ADAMTS17: variants seen among roughly 807,000 people sequenced by gnomAD.
ADAMTS17 encodes the protein A disintegrin and metalloproteinase with thrombospondin motifs 17.
Under a neutral mutation model 141.5 loss-of-function variants are expected in ADAMTS17, and 113 were observed. The ratio of observed to expected loss-of-function variants is 0.80; its 90% CI spans 0.69 to 0.93. ADAMTS17 has a LOEUF of 0.93. Among genes scored for constraint, ADAMTS17 ranks in the 40% least tolerant of loss-of-function variants. The pLI is 0.00. For synonymous variants in ADAMTS17, 768 were observed against 630.6 expected, an observed-to-expected ratio of 1.22 and a Z score of -3.27; for missense variants, 1,659 against 1,517.9, an observed-to-expected ratio of 1.09 and a Z score of -1.54.
chr15:100,110,033 G>A (rs931856089), intron 13 of ADAMTS17, among the ~76,000 whole-genome samples: 1 of 151,870 alleles, frequency 6.6e-6, no homozygotes, highest in African/African-American at 2.4e-5. Context: ...CTAAAAGAGT[G>A]TGAAAGGGAT....
intron 15 of ADAMTS17, among the ~76,000 whole-genome samples, chr15:100,095,859 G>A (rs1396762727): frequency 2.0e-5 from 3 of 152,218 alleles, no homozygotes; most frequent in South Asian, 2.1e-4. Flanking sequence ...CTGGGGACCA[G>A]GAGGCTCAGG....
chr15:99,986,971 C>A (rs1249554561), intron 20 of ADAMTS17, among the ~76,000 whole-genome samples: 1 of 152,210 alleles, frequency 6.6e-6, no homozygotes, highest in Non-Finnish European at 1.5e-5. Context: ...CCCTCATACA[C>A]GACCCTGGTT....
At chr15:100,159,770 T>C (rs2039603732) in intron 8 of ADAMTS17, among the ~76,000 whole-genome samples, 1 of 152,186 alleles carries the variant, frequency 6.6e-6, no homozygotes, top group Non-Finnish European at 1.5e-5. Context: ...CTAGTCTGAG[T>C]CACAGACTAG....
intron 7 of ADAMTS17, among the ~76,000 whole-genome samples, chr15:100,200,496 C>A (rs2041287251): frequency 6.6e-6 from 1 of 152,112 alleles, no homozygotes; most frequent in Non-Finnish European, 1.5e-5. Context: ...CCCGCAGGGA[C>A]CACAGGGCTT....
chr15:100,199,224 G>T, intron 8 of ADAMTS17, 94 bp downstream of exon 8: 1 of 1,192,806 alleles, frequency 8.4e-7, no homozygotes, highest in Non-Finnish European at 1.3e-6. Context: ...AAGGCATAGA[G>T]CAGCACTGTT....
intron 7 of ADAMTS17, among the ~76,000 whole-genome samples, chr15:100,221,278 C>CTTT (rs34908375): frequency 1.1e-4 from 16 of 148,028 alleles, no homozygotes; most frequent in African/African-American, 3.4e-4. Context: ...ATAAACTTCA[C>CTTT]TTTTTTTTTT....
chr15:100,332,700 T>A (rs1006488254), intron 2 of ADAMTS17, among the ~76,000 whole-genome samples: 1 of 152,366 alleles, frequency 6.6e-6, no homozygotes, highest in South Asian at 2.1e-4. Flanking sequence ...CATATACACA[T>A]GCAAAGCATC....
chr15:100,247,674 C>T (rs2043029650), intron 7 of ADAMTS17, among the ~76,000 whole-genome samples: 1 of 152,152 alleles, frequency 6.6e-6, no homozygotes, highest in Admixed American at 6.5e-5. Flanking sequence ...ACAGGGTTCA[C>T]AGCTTCTCTT....
At chr15:100,184,198 T>A (rs1401621681) in intron 8 of ADAMTS17, among the ~76,000 whole-genome samples, 1 of 152,176 alleles carries the variant, frequency 6.6e-6, no homozygotes, top group African/African-American at 2.4e-5. Flanking sequence ...ATGTGGTCTC[T>A]GTTGGGCTTT....
chr15:100,315,997 G>A (rs1010602020), intron 3 of ADAMTS17, among the ~76,000 whole-genome samples: 17 of 152,234 alleles, frequency 1.1e-4, no homozygotes, highest in African/African-American at 3.1e-4. Flanking sequence ...CTGCTTTGTG[G>A]AATGACTCTA....
At chr15:100,140,645 A>G (rs888964741) in intron 10 of ADAMTS17, among the ~76,000 whole-genome samples, 10 of 151,934 alleles carry the variant, frequency 6.6e-5, no homozygotes, top group African/African-American at 2.4e-4. Flanking sequence ...ACCCACATCA[A>G]CCTTGTGAGA....
At chr15:100,058,341 C>CTAACCCTCCTATCCCGGCTCT in intron 15 of ADAMTS17, among the ~76,000 whole-genome samples, 1 of 42,134 alleles carries the variant, frequency 2.4e-5, no homozygotes, top group Admixed American at 2.1e-4. Context: ...TATCCCGGCT[C>CTAACCCTCCTATCCCGGCTCT]TAACACCCCT....
intron 16 of ADAMTS17, among the ~76,000 whole-genome samples, chr15:100,052,645 G>C (rs1342756150): frequency 6.6e-6 from 1 of 152,150 alleles, no homozygotes; most frequent in African/African-American, 2.4e-5. Context: ...TTTATGTTTT[G>C]CCTCCTCTCT....
rs149424274 is a variant in ADAMTS17, at chr15:99,999,827, G to A, written c.2592-2238C>T. On this transcript the variant is annotated intron_variant, in intron 18 of 21. Transcript: ENST00000268070. ...CTGGGGTGGCGCCGGCATCTCTGGC[G>A]CTGAGAAGACAGAGCCACCTGGGCT... Among the ~76,000 whole-genome samples the A allele has an allele frequency of 4.2e-3, 633 of 152,248 alleles. 3 individuals carry two copies. The highest frequency in any genetic ancestry group is 0.014 in the African/African-American group (584 of 41,552).
intron 18 of ADAMTS17, among the ~76,000 whole-genome samples, chr15:100,008,250 G>A (rs2141389369): frequency 6.6e-6 from 1 of 152,218 alleles, no homozygotes; most frequent in African/African-American, 2.4e-5. Context: ...CGGAGGGGGT[G>A]TGTGGGGGCC....
At chr15:100,041,715 G>C (rs1371007973) in intron 18 of ADAMTS17, among the ~76,000 whole-genome samples, 1 of 152,198 alleles carries the variant, frequency 6.6e-6, no homozygotes, top group Non-Finnish European at 1.5e-5. Flanking sequence ...ATGCGTGTCA[G>C]ACTCCAGATT....
intron 15 of ADAMTS17, among the ~76,000 whole-genome samples, chr15:100,092,467 T>C (rs989648947): frequency 2.6e-5 from 4 of 152,256 alleles, no homozygotes; most frequent in African/African-American, 9.6e-5. Flanking sequence ...CCATCACACA[T>C]GTGGATACCT....
chr15:100,106,906 G>C (rs1465369992), intron 14 of ADAMTS17, among the ~76,000 whole-genome samples: 2 of 152,216 alleles, frequency 1.3e-5, no homozygotes, highest in Non-Finnish European at 1.5e-5. Context: ...TTTGTTACAA[G>C]AAAGCAGCCA....
At chr15:100,306,685 T>C in intron 3 of ADAMTS17, 1 of 422,558 alleles carries the variant, frequency 2.4e-6, no homozygotes, top group Non-Finnish European at 4.7e-6. Context: ...TAGCTCATCG[T>C]GCAGCAACAG....
Sources: gnomAD v4.1 joint callset for allele counts (sites outside exome capture counted in the v4.1 genomes callset) on GRCh38, gnomAD v4.1.1 for gene constraint, MANE v1.5 for transcripts, NCBI Gene and HGNC (gene_info 2026-07-23, HGNC 2026-07-21) for gene names.